The following RBPJ variants were observed in gnomAD, a reference collection of about 807,000 sequenced individuals.
RBPJ encodes the protein recombination signal binding protein for immunoglobulin kappa J region.
Under a neutral mutation model 67.8 loss-of-function variants are expected in RBPJ, and 9 were observed. The observed-to-expected ratio is 0.13, with a 90% CI of 0.08 to 0.23. RBPJ has a LOEUF of 0.23. Among genes scored for constraint, RBPJ ranks in the 10% least tolerant of loss-of-function variants. The pLI, the probability that RBPJ is intolerant of heterozygous loss-of-function variation, is 1.00. For synonymous variants in RBPJ, 198 were observed against 203.3 expected (o/e 0.97, Z 0.22); for missense variants, 305 against 595.6 (o/e 0.51, Z 5.08).
At chr4:26,377,914 T>G (rs1173384310) in intron 1 of RBPJ, among the ~76,000 whole-genome samples, 2 of 152,188 alleles carry the variant, frequency 1.3e-5, no homozygotes, top group Non-Finnish European at 2.9e-5. Context: ...ATAATGCATT[T>G]TAAAGCAAAA....
At chr4:26,122,655 C>T in the RBPJ span, among the ~76,000 whole-genome samples, 1 of 151,740 alleles carries the variant, frequency 6.6e-6, no homozygotes, top group African/African-American at 2.4e-5. Flanking sequence ...TATAGAGAAA[C>T]ATAAGGAAGG....
chr4:26,420,947 C>T, intron 5 of RBPJ: 1 of 449,848 alleles, frequency 2.2e-6, no homozygotes, highest in East Asian at 3.9e-5. Context: ...CAGGGACATT[C>T]TGGGGAAATG....
intron 3 of RBPJ, among the ~76,000 whole-genome samples, chr4:26,406,884 G>A (rs1274079579): frequency 1.3e-5 from 2 of 152,228 alleles, no homozygotes; most frequent in Non-Finnish European, 2.9e-5. Flanking sequence ...TAAAGTGTAA[G>A]AACTGATAGT....
At chr4:26,247,393 A>C (rs1719962680) in intron 1 of RBPJ, among the ~76,000 whole-genome samples, 1 of 151,940 alleles carries the variant, frequency 6.6e-6, no homozygotes, top group Non-Finnish European at 1.5e-5. Context: ...TTTCTTGTTA[A>C]ATTTTTTCAT....
intron 4 of RBPJ, among the ~76,000 whole-genome samples, chr4:26,418,998 A>C (rs1397945693): frequency 6.6e-6 from 1 of 152,056 alleles, no homozygotes; most frequent in African/African-American, 2.4e-5. Flanking sequence ...ATTCATTTTG[A>C]GACAGGGTGC....
chr4:26,409,824 G>A (rs1212625450), intron 3 of RBPJ, among the ~76,000 whole-genome samples: 1 of 151,982 alleles, frequency 6.6e-6, no homozygotes, highest in African/African-American at 2.4e-5. Context: ...GTATTATTTG[G>A]GCATGGCCTA....
intron 1 of RBPJ, among the ~76,000 whole-genome samples, chr4:26,166,585 T>C (rs1441941777): frequency 2.0e-5 from 3 of 151,914 alleles, no homozygotes; most frequent in Non-Finnish European, 4.4e-5. Flanking sequence ...TTCTTGTAAA[T>C]TTGTTTGAGT....
At chr4:26,407,376 G>C (rs1165230300) in intron 3 of RBPJ, among the ~76,000 whole-genome samples, 3 of 152,170 alleles carry the variant, frequency 2.0e-5, no homozygotes, top group Admixed American at 2.0e-4. Flanking sequence ...CATACTACTT[G>C]AATGTGGACT....
chr4:26,114,238 C>T, the RBPJ span, among the ~76,000 whole-genome samples: 1 of 152,042 alleles, frequency 6.6e-6, no homozygotes, highest in Non-Finnish European at 1.5e-5. Flanking sequence ...GCAGGTGGAT[C>T]ACCTGAGGTC....
At chr4:26,294,222 C>T (rs1022314910) in intron 1 of RBPJ, among the ~76,000 whole-genome samples, 1 of 152,040 alleles carries the variant, frequency 6.6e-6, no homozygotes. Context: ...CTCAGCCTCC[C>T]GAGTAGCTGG....
At chr4:26,360,168 A>G (rs1358415061) in intron 1 of RBPJ, among the ~76,000 whole-genome samples, 1 of 152,238 alleles carries the variant, frequency 6.6e-6, no homozygotes, top group African/African-American at 2.4e-5. Context: ...AATATAATCC[A>G]CCAAATAAGT....
Position 26,211,448 on chromosome 4 carries a change from TA to T in RBPJ, c.-167+47835del, listed in dbSNP as rs111743972. 3.3e-3 allele frequency among the ~76,000 whole-genome samples: 501 copies of T among 152,346 alleles called. 2 individuals carry two copies. Among genetic ancestry groups the T allele is most frequent in the African/African-American group, 0.011 (472 of 41,576 alleles). ...TCATTGTATCTCTACAGGGATTGTT[TA>T]TTATTTGCTCATTTATATTTGAGAT... On this transcript the variant is annotated intron_variant, in intron 1 of 4. Coordinates refer to the RBPJ transcript ENST00000512351.
chr4:26,183,004 C>T (rs1046580069), intron 1 of RBPJ, among the ~76,000 whole-genome samples: 2 of 152,188 alleles, frequency 1.3e-5, no homozygotes. Flanking sequence ...CCTGAGGCTG[C>T]TTTACAGTTA....
At chr4:26,241,657 A>G (rs1340979438) in intron 1 of RBPJ, among the ~76,000 whole-genome samples, 1 of 151,924 alleles carries the variant, frequency 6.6e-6, no homozygotes, top group Non-Finnish European at 1.5e-5. Context: ...GACTACAGGC[A>G]TGCCCCACCA....
At chr4:26,206,991 C>A (rs1236006523) in intron 1 of RBPJ, among the ~76,000 whole-genome samples, 2 of 152,124 alleles carry the variant, frequency 1.3e-5, no homozygotes, top group African/African-American at 4.8e-5. Context: ...TGCTCCAGGG[C>A]TGCCCACCTG....
chr4:26,301,852 G>A (rs1722088560), intron 1 of RBPJ, among the ~76,000 whole-genome samples: 1 of 151,866 alleles, frequency 6.6e-6, no homozygotes, highest in Non-Finnish European at 1.5e-5. Context: ...GAGTGCAGTG[G>A]CGCAACCTTG....
the RBPJ span, among the ~76,000 whole-genome samples, chr4:26,143,066 C>A: frequency 1.3e-5 from 2 of 152,148 alleles, no homozygotes; most frequent in South Asian, 4.1e-4. Flanking sequence ...ATAGGCGTAG[C>A]ATTTCACTAT....
the RBPJ span, among the ~76,000 whole-genome samples, chr4:26,156,021 G>A: frequency 6.6e-6 from 1 of 152,180 alleles, no homozygotes; most frequent in Non-Finnish European, 1.5e-5. Flanking sequence ...GTCAGACAGA[G>A]CCAGATTCAA....
chr4:26,298,183 T>C (rs1313892419), intron 1 of RBPJ, among the ~76,000 whole-genome samples: 2 of 151,880 alleles, frequency 1.3e-5, no homozygotes, highest in Non-Finnish European at 2.9e-5. Flanking sequence ...CACTAATCCT[T>C]GGGAAAAAAA....
Sources: allele counts gnomAD v4.1 joint callset (sites outside exome capture counted in the v4.1 genomes callset), GRCh38; gene constraint gnomAD v4.1.1; transcripts MANE v1.5; gene names NCBI Gene and HGNC (gene_info 2026-07-23, HGNC 2026-07-21).